WDPCP: variants seen among roughly 807,000 people sequenced by gnomAD.
WDPCP encodes the protein WD repeat-containing and planar cell polarity effector protein fritz homolog.
In WDPCP, 71 loss-of-function variants were observed where a neutral mutation model predicts 93.1. The ratio of observed to expected loss-of-function variants is 0.76; its 90% CI spans 0.63 to 0.93. The LOEUF (loss-of-function observed/expected upper bound fraction) is 0.93, where lower values mean the gene tolerates loss of function less well. Among genes scored for constraint, WDPCP ranks in the 40% least tolerant of loss-of-function variants. WDPCP has a pLI of 0.00. For synonymous variants in WDPCP, 315 were observed against 315.0 expected, an observed-to-expected ratio of 1.00 and a Z score of 0.00; for missense variants, 844 against 887.4, an observed-to-expected ratio of 0.95 and a Z score of 0.62.
At chr2:63,588,734 G>A (rs1709063234), upstream of WDPCP, 3 of 501,640 alleles carry the variant, frequency 6.0e-6, no homozygotes, top group African/African-American at 1.9e-5. Flanking sequence ...CCATCCGTTT[G>A]TTGTCGTCCT....
At chr2:63,817,608 T>G (rs1456737134) in intron 1 of WDPCP, among the ~76,000 whole-genome samples, 3 of 152,304 alleles carry the variant, frequency 2.0e-5, no homozygotes, top group East Asian at 3.9e-4. Flanking sequence ...ACATATTGTC[T>G]ATGGCTGCTT....
chr2:63,159,494 T>G (rs1176908691), intron 15 of WDPCP, among the ~76,000 whole-genome samples: 1 of 152,200 alleles, frequency 6.6e-6, no homozygotes, highest in Non-Finnish European at 1.5e-5. Flanking sequence ...TTTTCTCATG[T>G]GAGTTGAGAT....
At chr2:63,137,464 G>C (rs1343440749) in intron 17 of WDPCP, among the ~76,000 whole-genome samples, 1 of 152,022 alleles carries the variant, frequency 6.6e-6, no homozygotes, top group Non-Finnish European at 1.5e-5. Flanking sequence ...TTTGTCAGAT[G>C]CATAGTTTGC....
intron 17 of WDPCP, among the ~76,000 whole-genome samples, chr2:63,146,233 C>T (rs558348027): frequency 1.6e-4 from 25 of 152,214 alleles, no homozygotes; most frequent in African/African-American, 4.8e-4. Context: ...CTATAACTTC[C>T]AATACTCTGT....
At chr2:63,170,176 A>G (rs1463097370) in intron 15 of WDPCP, among the ~76,000 whole-genome samples, 3 of 150,438 alleles carry the variant, frequency 2.0e-5, no homozygotes, top group Non-Finnish European at 4.4e-5. Context: ...TTACAGGTGC[A>G]AGCCACCACA....
chr2:63,451,206 A>G (rs1223357254), intron 6 of WDPCP, among the ~76,000 whole-genome samples: 1 of 152,056 alleles, frequency 6.6e-6, no homozygotes, highest in Non-Finnish European at 1.5e-5. Flanking sequence ...TGAAATACAA[A>G]ATACAGTCAA....
At chr2:63,210,976 G>A (rs977735925) in intron 14 of WDPCP, among the ~76,000 whole-genome samples, 1 of 152,218 alleles carries the variant, frequency 6.6e-6, no homozygotes, top group African/African-American at 2.4e-5. Context: ...AATGGGTGGA[G>A]CCCACTGCAG....
At chr2:63,695,852 T>C (rs1668953830) in intron 2 of WDPCP, among the ~76,000 whole-genome samples, 1 of 152,166 alleles carries the variant, frequency 6.6e-6, no homozygotes, top group Admixed American at 6.6e-5. Flanking sequence ...CTTCTAAAAG[T>C]ATAAACTAGT....
chr2:63,454,700 A>G (rs2105689855), intron 6 of WDPCP, among the ~76,000 whole-genome samples: 1 of 152,250 alleles, frequency 6.6e-6, no homozygotes. Flanking sequence ...ACATCCAGAC[A>G]CTGGCGATCC....
chr2:63,567,614 A>G (rs1707171598), intron 1 of WDPCP, among the ~76,000 whole-genome samples: 1 of 152,198 alleles, frequency 6.6e-6, no homozygotes, highest in South Asian at 2.1e-4. Context: ...TACAGTTTAA[A>G]TATCAGTTGC....
At chr2:63,481,649 C>A (rs531157305) in intron 6 of WDPCP, among the ~76,000 whole-genome samples, 1 of 152,006 alleles carries the variant, frequency 6.6e-6, no homozygotes, top group African/African-American at 2.4e-5. Context: ...GAATGGAAAA[C>A]CAGACACTGT....
At chr2:63,153,231 T>C (rs919298750) in intron 16 of WDPCP, 9 of 560,220 alleles carry the variant, frequency 1.6e-5, no homozygotes, top group Non-Finnish European at 2.8e-5. Flanking sequence ...TGCAGAGCCA[T>C]AGGCTCCAGC....
At chr2:63,494,889 C>T (rs1178846104) in intron 1 of WDPCP, among the ~76,000 whole-genome samples, 1 of 139,810 alleles carries the variant, frequency 7.2e-6, no homozygotes, top group African/African-American at 2.8e-5. Flanking sequence ...CACTGCACTC[C>T]AGCCTGGGCG....
intron 12 of WDPCP, among the ~76,000 whole-genome samples, chr2:63,345,141 G>A (rs911230241): frequency 6.6e-5 from 10 of 152,090 alleles, no homozygotes; most frequent in Admixed American, 3.3e-4. Context: ...TTTATAAACC[G>A]CAGTGTGGCA....
chr2:63,330,568 A>C (rs932658899), intron 12 of WDPCP, among the ~76,000 whole-genome samples: 36 of 152,128 alleles, frequency 2.4e-4, no homozygotes, highest in African/African-American at 8.4e-4. Context: ...TTTGCAGTAC[A>C]GAAACTTTTT....
chr2:63,589,343 T>A (rs1709102383), upstream of WDPCP: 1 of 1,550,662 alleles, frequency 6.4e-7, no homozygotes, highest in East Asian at 2.4e-5. Context: ...ACGCTGCAGC[T>A]ATTTTCCAAA....
At chr2:63,340,478 A>G (rs931451541) in intron 12 of WDPCP, among the ~76,000 whole-genome samples, 2 of 152,134 alleles carry the variant, frequency 1.3e-5, no homozygotes, top group African/African-American at 4.8e-5. Flanking sequence ...CTCCTAAGGG[A>G]TATTTCTTCA....
rs527436070 is a variant in WDPCP at position 63,682,876 on chromosome 2, A to T, written n.309-32038T>A. Among the ~76,000 whole-genome samples, 594 of 146,586 alleles carry T rather than the reference A, an allele frequency of 4.1e-3. 2 individuals carry two copies. The highest frequency in any genetic ancestry group is 0.015 in the African/African-American group (561 of 36,468). On this transcript the variant is annotated intron_variant and non_coding_transcript_variant, in intron 2 of 4. Coordinates refer to the WDPCP transcript ENST00000467687. The stretch of plus-strand genomic sequence containing the variant: ...AAAAGATGAACCAATCAAAAACAAT[A>T]ACTATAACAACTTTTTAAGACATAG...
At chr2:63,469,366 T>C (rs1431906039) in intron 6 of WDPCP, among the ~76,000 whole-genome samples, 2 of 152,224 alleles carry the variant, frequency 1.3e-5, no homozygotes, top group Non-Finnish European at 2.9e-5. Flanking sequence ...CAAAGGAATA[T>C]AAATAGTTCT....
Sources: allele counts gnomAD v4.1 joint callset (sites outside exome capture counted in the v4.1 genomes callset), GRCh38; gene constraint gnomAD v4.1.1; transcripts MANE v1.5; gene names NCBI Gene and HGNC (gene_info 2026-07-23, HGNC 2026-07-21).